Variants in MAP3K5 observed in about 807,000 individuals in gnomAD.
MAP3K5 encodes mitogen-activated protein kinase kinase kinase 5, also known as ASK-1.
A neutral mutation model predicts 158.7 loss-of-function variants in MAP3K5; 56 were observed. That is an observed-to-expected ratio of 0.35 (90% CI 0.28 to 0.44). MAP3K5 has a LOEUF of 0.44. MAP3K5 is among the 20% of genes least tolerant of loss of function. The probability of loss-of-function intolerance (pLI) is 1.00; values close to 1 mark genes in which losing one functional copy is unlikely to be tolerated. For missense variants in MAP3K5, 1,294 were observed against 1,674.8 expected, an observed-to-expected ratio of 0.77 and a Z score of 3.97; for synonymous variants, 579 against 601.7, an observed-to-expected ratio of 0.96 and a Z score of 0.55.
chr6:136,610,179 T>C (rs1267562893), intron 18 of MAP3K5, among the ~76,000 whole-genome samples: 1 of 152,072 alleles, frequency 6.6e-6, no homozygotes, highest in Non-Finnish European at 1.5e-5. Context: ...TAAGAAGAAC[T>C]TAACACTTCA....
intron 26 of MAP3K5, among the ~76,000 whole-genome samples, 185 bp downstream of exon 26, chr6:136,567,446 T>C (rs1267171086): frequency 6.6e-6 from 1 of 152,206 alleles, no homozygotes; most frequent in Non-Finnish European, 1.5e-5. Flanking sequence ...AGGCTTAAAC[T>C]GGTAGAGGCA....
rs75698895 is a variant in MAP3K5 at position 136,755,077 on chromosome 6, G to A, written c.449-34488C>T. 7.6e-3 allele frequency among the ~76,000 whole-genome samples: 1,156 copies of A among 151,790 alleles called. 17 individuals are homozygous for A. Among genetic ancestry groups the A allele is most frequent in the African/African-American group, 0.027 (1,102 of 41,382 alleles). On this transcript the variant is annotated intron_variant, in intron 1 of 29. Coordinates refer to ENST00000359015, the MANE Select transcript of MAP3K5 (RefSeq NM_005923.4). Reference sequence around the variant, plus strand: ...TAACGCATGCAACTCCACTCCATTCGCAACACAAAATTCATGTTGATCTTT... The same window carrying A: ...TAACGCATGCAACTCCACTCCATTCACAACACAAAATTCATGTTGATCTTT...
intron 2 of MAP3K5, among the ~76,000 whole-genome samples, chr6:136,707,103 T>C (rs1254252907): frequency 1.3e-5 from 2 of 152,148 alleles, no homozygotes; most frequent in Non-Finnish European, 2.9e-5. Flanking sequence ...TGCAGTCAGC[T>C]ATGACTGTGC....
At chr6:136,757,575 A>ATTTTTTT (rs1266911449) in intron 1 of MAP3K5, among the ~76,000 whole-genome samples, 130 of 111,254 alleles carry the variant, frequency 1.2e-3, no homozygotes, top group African/African-American at 4.0e-3. Context: ...AGATTTATTT[A>ATTTTTTT]TTTATTTTTT....
At position 136,677,556 on chromosome 6, in the gene MAP3K5, G is replaced by T. The variant is rs1779761153; in HGVS notation, c.1254-8161C>A. Among the ~76,000 whole-genome samples the T allele has an allele frequency of 2.0e-5, 3 of 152,314 alleles. No homozygotes were observed. The South Asian group carries it at 6.2e-4, about 32-fold the overall frequency. On this transcript the variant is annotated intron_variant, in intron 7 of 29. Coordinates refer to ENST00000359015, the MANE Select transcript of MAP3K5 (RefSeq NM_005923.4). ...TGTTCATGCCACATGTCTGTGTCAT[G>T]AACTCTGTGTCATGGTTCAGCTCTG...
intron 15 of MAP3K5, among the ~76,000 whole-genome samples, chr6:136,621,511 A>C (rs1776800699): frequency 6.6e-6 from 1 of 152,186 alleles, no homozygotes. Flanking sequence ...ATCCTAGGTG[A>C]AAGTGCTGCA....
intron 26 of MAP3K5, among the ~76,000 whole-genome samples, chr6:136,563,001 C>T (rs1174783567): frequency 6.6e-6 from 1 of 151,974 alleles, no homozygotes; most frequent in South Asian, 2.1e-4. Context: ...ACCTTCTAGA[C>T]ATGAGCTATA....
At chr6:136,608,270 C>CA (rs879538206) in intron 18 of MAP3K5, among the ~76,000 whole-genome samples, 148 of 132,286 alleles carry the variant, frequency 1.1e-3, no homozygotes, top group African/African-American at 1.4e-3. Context: ...TTACTCTGAA[C>CA]AAAAAAAAAA....
intron 8 of MAP3K5, among the ~76,000 whole-genome samples, chr6:136,666,430 A>T (rs1428135975): frequency 6.6e-6 from 1 of 152,214 alleles, no homozygotes; most frequent in Non-Finnish European, 1.5e-5. Context: ...ATGTCTGGTT[A>T]TTATAAGAAC....
intron 1 of MAP3K5, among the ~76,000 whole-genome samples, chr6:136,730,791 T>C (rs944353654): frequency 2.0e-5 from 3 of 150,704 alleles, no homozygotes; most frequent in Non-Finnish European, 4.4e-5. Flanking sequence ...TAGATGAGGT[T>C]GTCAACTTAG....
intron 1 of MAP3K5, among the ~76,000 whole-genome samples, chr6:136,738,955 C>T (rs1232686714): frequency 6.6e-6 from 1 of 152,096 alleles, no homozygotes; most frequent in Non-Finnish European, 1.5e-5. Context: ...CACACACACA[C>T]ACACACACAC....
rs182123082 is a variant in MAP3K5, at chr6:136,609,560, A to C, written c.2521+1722T>G. ...GTAATCCCAGCACTTTGGGAGTCCA[A>C]GGCAGGTGGATCACTTGAGGTCAGG... On this transcript the variant is annotated intron_variant, in intron 18 of 29. Transcript: ENST00000359015. This position sits in a 1 kb window ranked among gnomAD's most constrained non-coding sequence, Gnocchi z 4.4. 8.1e-4 allele frequency among the ~76,000 whole-genome samples: 123 copies of C among 152,242 alleles called. No homozygotes were observed. The highest frequency in any genetic ancestry group is 2.9e-3 in the African/African-American group (120 of 41,556).
intron 7 of MAP3K5, among the ~76,000 whole-genome samples, chr6:136,691,745 T>G (rs1159613658): frequency 6.6e-6 from 1 of 152,236 alleles, no homozygotes; most frequent in Non-Finnish European, 1.5e-5. Flanking sequence ...TGCTCTTTTA[T>G]CGTATTGTGT....
At chr6:136,760,896 G>A (rs1582657800) in intron 1 of MAP3K5, among the ~76,000 whole-genome samples, 1 of 152,230 alleles carries the variant, frequency 6.6e-6, no homozygotes, top group African/African-American at 2.4e-5. Flanking sequence ...CTTGAGCTGG[G>A]AGGCAGATGT....
At chr6:136,791,374 G>C (rs2115081595) in intron 1 of MAP3K5, among the ~76,000 whole-genome samples, 1 of 152,236 alleles carries the variant, frequency 6.6e-6, no homozygotes, top group Non-Finnish European at 1.5e-5. Flanking sequence ...CCTCACAGAA[G>C]CGAAACCGAG....
chr6:136,688,466 G>T (rs1319962454), intron 7 of MAP3K5, among the ~76,000 whole-genome samples: 1 of 152,058 alleles, frequency 6.6e-6, no homozygotes, highest in Non-Finnish European at 1.5e-5. Context: ...ACCATTTTCT[G>T]TTCTTAATAG....
At chr6:136,578,563 T>C (rs1774721769) in intron 25 of MAP3K5, among the ~76,000 whole-genome samples, 1 of 151,526 alleles carries the variant, frequency 6.6e-6, no homozygotes, top group African/African-American at 2.4e-5. Flanking sequence ...AAGCCTACTT[T>C]AGATTTGGGG....
chr6:136,585,469 T>TTTCTTTCTTTCTTTC (rs150800306), intron 23 of MAP3K5, among the ~76,000 whole-genome samples: 1 of 131,426 alleles, frequency 7.6e-6, no homozygotes, highest in Non-Finnish European at 1.6e-5. Flanking sequence ...CTTTCTTTTC[T>TTTCTTTCTTTCTTTC]TTTCTTTATT....
At chr6:136,643,342 A>T (rs1778081257) in intron 11 of MAP3K5, among the ~76,000 whole-genome samples, 1 of 152,264 alleles carries the variant, frequency 6.6e-6, no homozygotes, top group African/African-American at 2.4e-5. Context: ...AGTATAAAAT[A>T]GCATAAATAT....
Sources: gnomAD v4.1 joint callset for allele counts (sites outside exome capture counted in the v4.1 genomes callset) on GRCh38, gnomAD v4.1.1 for gene constraint, Gnocchi (gnomAD v3.1) non-coding constraint, MANE v1.5 for transcripts, NCBI Gene and HGNC (gene_info 2026-07-23, HGNC 2026-07-21) for gene names.